The following CNGA2 variants were observed in gnomAD, a reference collection of about 807,000 sequenced individuals.
CNGA2 encodes the protein cyclic nucleotide gated channel subunit alpha 2.
A neutral mutation model predicts 35.9 loss-of-function variants in CNGA2; 22 were observed. The observed-to-expected ratio is 0.61, with a 90% CI of 0.44 to 0.88. The LOEUF is 0.88. CNGA2 is among the 40% of genes least tolerant of loss of function. CNGA2 has a pLI of 0.00. For missense variants in CNGA2, 555 were observed against 530.8 expected (o/e 1.05, Z -0.45); for synonymous variants, 217 against 209.2 (o/e 1.04, Z -0.32).
intron 1 of CNGA2, among the ~76,000 whole-genome samples, chrX:151,735,962 G>A (rs2015243837): frequency 9.0e-6 from 1 of 111,232 alleles, no homozygotes; most frequent in Non-Finnish European, 1.9e-5. Flanking sequence ...CCCAGTGCCC[G>A]CTCCAGCTCT....
rs771102269 is a variant in CNGA2 at position 151,743,670 on chromosome X, C to T, written c.1167C>T (p.Ile389=). The T allele has an allele frequency of 7.4e-6, 9 of 1,211,424 alleles. No individual in the cohort carries two copies. Among genetic ancestry groups the T allele is most frequent in the Admixed American group, 4.4e-5 (2 of 45,955 alleles). The change falls in exon 7 of 7, where the codon ATC becomes ATT. Residue 389 remains isoleucine (I), a synonymous_variant. Coordinates refer to ENST00000329903, the MANE Select transcript of CNGA2 (RefSeq NM_005140.3). ...CCCGGGCAGAGTTCCAGGCTAAGAT[C>T]GATGCCGTGAAACACTACATGCAGT... ...NATRAEFQAK[I]DAVKHYMQFR...
intron 5 of CNGA2, among the ~76,000 whole-genome samples, 195 bp downstream of exon 5, chrX:151,741,096 C>T (rs2015301450): frequency 8.9e-6 from 1 of 112,140 alleles, no homozygotes; most frequent in African/African-American, 3.3e-5. Context: ...TTCCACACAC[C>T]TAGGGTGCAT....
rs7881014 is a variant in CNGA2, at chrX:151,740,690, C to T, written c.375-104C>T. ...CATCTTTCACCCCACATATACCCTTCGGCAGTGCTTTTGCTTTCTCAGGCA... is the reference window on the plus strand; with the variant it reads ...CATCTTTCACCCCACATATACCCTTTGGCAGTGCTTTTGCTTTCTCAGGCA... On this transcript the variant is annotated intron_variant, in intron 4 of 6. Coordinates refer to ENST00000329903, the MANE Select transcript of CNGA2 (RefSeq NM_005140.3). The T allele has an allele frequency of 9.1e-3, 5,650 of 623,898 alleles. 232 individuals carry two copies. In the African/African-American group the frequency reaches 0.11, roughly 12 times the overall value. The allele number at this position is 623,898 out of a possible 1,213,427, so 51.4% of individuals were successfully genotyped here.
Position 151,744,094 on chromosome X carries a change from A to G in CNGA2, c.1591A>G (p.Lys531Glu). 8.3e-7 allele frequency: 1 copy of G among 1,211,119 alleles called. No homozygotes were observed. The highest frequency in any genetic ancestry group is 2.3e-4 in the Middle Eastern group (1 of 4,353). The part of the protein sequence containing the change: ...EISILNIKGS[K>E]MGNRRTANIR... ...CAGTATCCTTAACATTAAGGGCAGT[A>G]AAATGGGCAATCGACGCACAGCTAA... The change falls in exon 7 of 7, where the codon AAA becomes GAA. Residue 531 changes from lysine to glutamate, a missense_variant. Coordinates refer to ENST00000329903, the MANE Select transcript of CNGA2 (RefSeq NM_005140.3).
intron 3 of CNGA2, 50 bp downstream of exon 3, chrX:151,738,929 G>C (rs1470681934): frequency 1.9e-6 from 2 of 1,028,009 alleles, no homozygotes; most frequent in Non-Finnish European, 2.6e-6. Context: ...CATGGAGCCT[G>C]TCAGGGTGGC....
At position 151,744,422 on chromosome X, in the gene CNGA2, T is replaced by C; in HGVS notation, c.1919T>C (p.Met640Thr). 8.3e-7 allele frequency: 1 copy of C among 1,209,899 alleles called. No homozygotes were observed. Residue 640 changes from methionine (M) to threonine (T), a missense_variant, in exon 7 of 7, where the codon ATG becomes ACG. Physicochemically the swap from Met to Thr is moderately conservative, Grantham distance 81. Transcript: ENST00000329903. ...KQRITVLETK[M>T]KQNNEDDYLS... ...CGCATCACAGTTCTGGAAACCAAGA[T>C]GAAACAGAACAATGAAGATGACTAC...
At chrX:151,738,932 A>C in intron 3 of CNGA2, 53 bp downstream of exon 3, 1 of 1,019,050 alleles carries the variant, frequency 9.8e-7, no homozygotes, top group African/African-American at 1.9e-5. Context: ...GGAGCCTGTC[A>C]GGGTGGCTAC....
intron 6 of CNGA2, 144 bp downstream of exon 6, chrX:151,742,786 G>A (rs2015319021): frequency 2.4e-6 from 1 of 417,280 alleles, no homozygotes; most frequent in Non-Finnish European, 4.1e-6. Flanking sequence ...GGTCCCACAT[G>A]CATAGAGAGG....
chrX:151,744,184 A>C lies in CNGA2; in HGVS notation c.1681A>C (p.Thr561Pro). Residue 561 changes from threonine to proline, a missense_variant, in exon 7 of 7, where the codon ACT (threonine) becomes CCT (proline). Transcript: ENST00000329903. ...CAAGGATGATCTTATGGAAGCTGTG[A>C]CTGAGTACCCTGATGCCAAGAAAGT... ...LSKDDLMEAV[T>P]EYPDAKKVLE... 8.3e-7 allele frequency: 1 copy of C among 1,210,862 alleles called. No homozygotes were observed. The highest frequency in any genetic ancestry group is 1.1e-6 in the Non-Finnish European group (1 of 895,369).
At chrX:151,743,028 G>GTGTATATATATATATAGACATATATATA in intron 6 of CNGA2, 65 bp from the exon 7 acceptor site, 1 of 8,544 alleles carries the variant, frequency 1.2e-4, no homozygotes, top group South Asian at 0.024. Flanking sequence ...GTATATATAT[G>GTGTATATATATATATAGACATATATATA]CACATATATA....
rs2015365782 is a variant in CNGA2, at chrX:151,745,300, G to C, written c.*802G>C. 1 of 111,706 alleles carries C rather than the reference G, an allele frequency of 9.0e-6. No homozygotes were observed. The highest frequency in any genetic ancestry group is 9.5e-5 in the Admixed American group (1 of 10,570). 9.2% of individuals were successfully genotyped at this position (111,706 alleles called of 1,213,427 possible). On this transcript the variant is annotated 3_prime_UTR_variant, in exon 7 of 7. Transcript: ENST00000329903. ...CACCTATGAGTTAAAAAATTCCTTT[G>C]AACTATCTGTGGTTATTGCTCAACT...
intron 1 of CNGA2, among the ~76,000 whole-genome samples, chrX:151,736,276 G>A (rs894347785): frequency 3.6e-5 from 4 of 111,820 alleles, no homozygotes; most frequent in South Asian, 3.8e-4. Flanking sequence ...CCCACCTCCA[G>A]TCCAGACCCC....
intron 1 of CNGA2, among the ~76,000 whole-genome samples, chrX:151,736,244 T>C (rs925166299): frequency 8.9e-6 from 1 of 111,738 alleles, no homozygotes; most frequent in African/African-American, 3.3e-5. Context: ...TTACCTGTAA[T>C]GTAAACCCTG....
rs978984286 is a variant in CNGA2, at chrX:151,745,470, G to A, written c.*972G>A. On this transcript the variant is annotated 3_prime_UTR_variant, in exon 7 of 7. Coordinates refer to ENST00000329903, the MANE Select transcript of CNGA2 (RefSeq NM_005140.3). The stretch of plus-strand genomic sequence containing the variant: ...GTTCAAGTCCCTGATACAAAATGAC[G>A]TCGTATTTGAATATAACCTATGCAC... Among the ~76,000 whole-genome samples the A allele has an allele frequency of 9.0e-6, 1 of 111,566 alleles. No individual in the cohort carries two copies. Among genetic ancestry groups the A allele is most frequent in the Non-Finnish European group, 1.9e-5 (1 of 53,151 alleles).
In CNGA2 at chrX:151,744,530, G is replaced by T; in HGVS notation, c.*32G>T. 9.4e-7 allele frequency: 1 copy of T among 1,066,876 alleles called. No homozygotes were observed. The highest frequency in any genetic ancestry group is 1.2e-6 in the Non-Finnish European group (1 of 810,264). The allele number at this position is 1,066,876 out of a possible 1,213,427, so 87.9% of individuals were successfully genotyped here. A position where few individuals can be genotyped will look rare whatever the true frequency, so the allele number is the denominator to read the frequency against. On this transcript the variant is annotated 3_prime_UTR_variant, in exon 7 of 7. Coordinates refer to ENST00000329903, the MANE Select transcript of CNGA2 (RefSeq NM_005140.3). ...GGGCCCAACTGCCTCTCCAGCATTG[G>T]CCTTGGCCTTGATCCCAGAAGCTAG...
rs1040041606 is a variant in CNGA2 at position 151,742,714 on chromosome X, G to C, written c.589+72G>C. The C allele has an allele frequency of 6.8e-5, 54 of 788,921 alleles. 1 individual carries two copies. The highest frequency in any genetic ancestry group is 1.0e-4 in the Non-Finnish European group (54 of 529,791). 65.0% of individuals were successfully genotyped at this position (788,921 alleles called of 1,213,427 possible). A position where few individuals can be genotyped will look rare whatever the true frequency, so the allele number is the denominator to read the frequency against. ...AATTTTTAGGAAGCCCACTGGACATGGTGTTGGACTAAATTGCTTGGGTGG... is the reference window on the plus strand; with the variant it reads ...AATTTTTAGGAAGCCCACTGGACATCGTGTTGGACTAAATTGCTTGGGTGG... On this transcript the variant is annotated intron_variant, in intron 6 of 6. Transcript: ENST00000329903.
Position 151,744,285 on chromosome X carries a change from G to A in CNGA2, c.1782G>A (p.Glu594=), listed in dbSNP as rs2015351502. 2.5e-6 allele frequency: 3 copies of A among 1,210,898 alleles called. No individual in the cohort carries two copies. Among genetic ancestry groups the A allele is most frequent in the African/African-American group, 1.7e-5 (1 of 57,532 alleles). ...AGAACGAAGTGGCAACCAGCATGGA[G>A]GTCGACGTGCAGGAGAAGCTAGGGC... ...LDENEVATSM[E]VDVQEKLGQL... The change falls in exon 7 of 7, where the codon GAG becomes GAA. Residue 594 remains glutamate (E), a synonymous_variant. Transcript: ENST00000329903.
intron 4 of CNGA2, among the ~76,000 whole-genome samples, chrX:151,740,267 A>G (rs2015291372): frequency 8.9e-6 from 1 of 112,522 alleles, no homozygotes; most frequent in Admixed American, 9.3e-5. Context: ...GCTAGTGGAG[A>G]GAAAGCAGGA....
intron 4 of CNGA2, 104 bp from the exon 5 acceptor site, chrX:151,740,688 TTC>T (rs2015295692): frequency 1.6e-6 from 1 of 619,891 alleles, no homozygotes; most frequent in African/African-American, 2.2e-5. Context: ...ACATATACCC[TTC>T]GGCAGTGCTT....
Sources: gnomAD v4.1 joint callset for allele counts (sites outside exome capture counted in the v4.1 genomes callset) on GRCh38, gnomAD v4.1.1 for gene constraint, MANE v1.5 for transcripts, NCBI Gene and HGNC (gene_info 2026-07-23, HGNC 2026-07-21) for gene names.